The following PRTG variants were observed in gnomAD, a reference collection of about 807,000 sequenced individuals.
The protein encoded by PRTG is protogenin, also known as immunoglobulin superfamily, DCC subclass, member 5.
A neutral mutation model predicts 122.5 loss-of-function variants in PRTG; 67 were observed. That is an observed-to-expected ratio of 0.55 (90% CI 0.45 to 0.67). The LOEUF is 0.67. PRTG is among the 30% of genes least tolerant of loss of function. PRTG has a pLI of 0.00. For synonymous variants in PRTG, 554 were observed against 501.1 expected, an observed-to-expected ratio of 1.11 and a Z score of -1.41; for missense variants, 1,435 against 1,415.4, an observed-to-expected ratio of 1.01 and a Z score of -0.22.
At chr15:55,708,178 CAG>C (rs2030225297) in intron 2 of PRTG, among the ~76,000 whole-genome samples, 1 of 57,726 alleles carries the variant, frequency 1.7e-5, no homozygotes, top group African/African-American at 7.0e-5. Context: ...AAAAAAAAAA[CAG>C]AGGCAGAAGA....
At chr15:55,630,037 A>G (rs918250939) in intron 15 of PRTG, among the ~76,000 whole-genome samples, 1 of 148,320 alleles carries the variant, frequency 6.7e-6, no homozygotes, top group African/African-American at 2.5e-5. Context: ...CCCAGGCTAG[A>G]GTGCAGCGGC....
At position 55,695,598 on chromosome 15, in the gene PRTG, G is replaced by A. The variant is rs551830784; in HGVS notation, c.398-11667C>T. Among the ~76,000 whole-genome samples the A allele has an allele frequency of 6.6e-5, 10 of 152,344 alleles. 1 individual carries two copies. The highest frequency in any genetic ancestry group is 2.4e-4 in the African/African-American group (10 of 41,578). ...CCTAAATGGCAGGGCAACGTGGGCA[G>A]AAGCACGTTCCAGAGGCCTCAGTGC... On this transcript the variant is annotated intron_variant, in intron 2 of 19. Coordinates refer to ENST00000389286, the MANE Select transcript of PRTG (RefSeq NM_173814.6).
intron 11 of PRTG, among the ~76,000 whole-genome samples, chr15:55,667,100 C>A (rs1204564572): frequency 6.6e-6 from 1 of 151,268 alleles, no homozygotes; most frequent in Middle Eastern, 3.4e-3. Context: ...AAAATCTGGG[C>A]AATATTTTTC....
intron 14 of PRTG, 65 bp downstream of exon 14, chr15:55,638,484 A>G (rs188801471): frequency 2.5e-5 from 33 of 1,296,084 alleles, no homozygotes; most frequent in Non-Finnish European, 3.4e-5. Flanking sequence ...AATGACATAC[A>G]TATTTTTAAA....
chr15:55,620,257 T>C lies in PRTG; in HGVS notation c.3208A>G (p.Arg1070Gly). 1 of 1,613,784 alleles carries C rather than the reference T, an allele frequency of 6.2e-7. No individual in the cohort carries two copies. The highest frequency in any genetic ancestry group is 8.5e-7 in the Non-Finnish European group (1 of 1,179,848). ...KKIQVEQPQRRFTPAVCFYQP... is the reference protein window; with the variant it reads ...KKIQVEQPQRGFTPAVCFYQP... ...TAAAAGCAGACCGCTGGAGTAAATCTTCTTTGAGGCTAGGCAAAAAAAGAT... is the reference window on the plus strand; with the variant it reads ...TAAAAGCAGACCGCTGGAGTAAATCCTCTTTGAGGCTAGGCAAAAAAAGAT... Residue 1070 changes from arginine (R) to glycine (G), a missense_variant, in exon 20 of 20, where the codon AGA becomes GGA. Physicochemically the swap from Arg to Gly is moderately radical, Grantham distance 125. Coordinates refer to ENST00000389286, the MANE Select transcript of PRTG (RefSeq NM_173814.6).
intron 2 of PRTG, among the ~76,000 whole-genome samples, chr15:55,695,761 T>C (rs2059628637): frequency 6.6e-6 from 1 of 152,170 alleles, no homozygotes; most frequent in Admixed American, 6.5e-5. Context: ...GGCAGATCAC[T>C]TGAGCTCAGG....
intron 7 of PRTG, among the ~76,000 whole-genome samples, chr15:55,679,078 A>G (rs2059521313): frequency 6.6e-6 from 1 of 152,188 alleles, no homozygotes; most frequent in Non-Finnish European, 1.5e-5. Context: ...TACCACTTTC[A>G]TGACCCATGT....
At chr15:55,695,203 C>T (rs1016133120) in intron 2 of PRTG, among the ~76,000 whole-genome samples, 1 of 152,084 alleles carries the variant, frequency 6.6e-6, no homozygotes, top group African/African-American at 2.4e-5. Context: ...ACTTATATGA[C>T]TCTACACTGG....
intron 2 of PRTG, among the ~76,000 whole-genome samples, chr15:55,697,728 GA>G (rs2059639541): frequency 6.6e-6 from 1 of 152,164 alleles, no homozygotes; most frequent in Admixed American, 6.5e-5. Flanking sequence ...GACCTCAGGT[GA>G]TCTGCTCACC....
chr15:55,622,407 A>G lies in PRTG; in HGVS notation c.3094-1640T>C, dbSNP rs549486758. 3.5e-4 allele frequency among the ~76,000 whole-genome samples: 49 copies of G among 141,978 alleles called. 1 individual carries two copies. The highest frequency in any genetic ancestry group is 7.1e-4 in the Admixed American group (10 of 14,054). The allele number at this position is 141,978 out of a possible 152,430, so 93.1% of individuals were successfully genotyped here. On this transcript the variant is annotated intron_variant, in intron 18 of 19. Coordinates refer to ENST00000389286, the MANE Select transcript of PRTG (RefSeq NM_173814.6). ...TAATTTTTTTTTTTTTTTTTTTGAGACAGTCTCGCTCTGTCACCCAGGTTG... is the reference window on the plus strand; with the variant it reads ...TAATTTTTTTTTTTTTTTTTTTGAGGCAGTCTCGCTCTGTCACCCAGGTTG...
chr15:55,684,273 G>A (rs541175551), intron 2 of PRTG, among the ~76,000 whole-genome samples: 3 of 152,316 alleles, frequency 2.0e-5, no homozygotes, highest in South Asian at 2.1e-4. Context: ...TTGTATATCA[G>A]AGGAGAGGGA....
At chr15:55,679,608 G>A (rs1053961433) in intron 6 of PRTG, 163 bp from the exon 7 acceptor site, 9 of 553,076 alleles carry the variant, frequency 1.6e-5, no homozygotes, top group African/African-American at 7.6e-5. Flanking sequence ...GCCTTTTCTC[G>A]GCATTGCTCA....
intron 11 of PRTG, among the ~76,000 whole-genome samples, chr15:55,652,986 T>C (rs1383343453): frequency 1.3e-5 from 2 of 152,160 alleles, no homozygotes; most frequent in African/African-American, 2.4e-5. Flanking sequence ...GAATGTAAAC[T>C]TTAAGCCTAG....
At chr15:55,627,474 C>G (rs774833512) in intron 16 of PRTG, among the ~76,000 whole-genome samples, 3 of 150,420 alleles carry the variant, frequency 2.0e-5, no homozygotes, top group Non-Finnish European at 3.0e-5. Context: ...CAGGCACCCA[C>G]CACCAACGCC....
intron 18 of PRTG, among the ~76,000 whole-genome samples, chr15:55,621,884 A>G (rs1021691183): frequency 1.3e-5 from 2 of 152,180 alleles, no homozygotes; most frequent in African/African-American, 4.8e-5. Flanking sequence ...ACAATTATTA[A>G]TTTGTATATT....
At chr15:55,671,400 G>C (rs2059470516) in intron 11 of PRTG, among the ~76,000 whole-genome samples, 2 of 152,178 alleles carry the variant, frequency 1.3e-5, no homozygotes, top group South Asian at 2.1e-4. Context: ...TTGTACTTAA[G>C]GGTAAAAATC....
intron 2 of PRTG, among the ~76,000 whole-genome samples, chr15:55,724,102 T>C (rs2030938614): frequency 6.6e-6 from 1 of 152,202 alleles, no homozygotes; most frequent in African/African-American, 2.4e-5. Flanking sequence ...CCAACATGTG[T>C]TCTATTCCGG....
At chr15:55,662,936 C>A (rs1448394846) in intron 11 of PRTG, among the ~76,000 whole-genome samples, 9 of 152,096 alleles carry the variant, frequency 5.9e-5, no homozygotes, top group Admixed American at 6.5e-5. Flanking sequence ...AATCTAAACC[C>A]ATATATTAAG....
chr15:55,623,554 G>A (rs571766874), intron 18 of PRTG, among the ~76,000 whole-genome samples: 1 of 152,110 alleles, frequency 6.6e-6, no homozygotes, highest in Non-Finnish European at 1.5e-5. Flanking sequence ...CAACAAGACT[G>A]AAACTCCATC....
Sources: gnomAD v4.1 joint callset for allele counts (sites outside exome capture counted in the v4.1 genomes callset) on GRCh38, gnomAD v4.1.1 for gene constraint, MANE v1.5 for transcripts, NCBI Gene and HGNC (gene_info 2026-07-23, HGNC 2026-07-21) for gene names.